The following SOCS5 variants were observed in gnomAD, a reference collection of about 807,000 sequenced individuals.
SOCS5 encodes CIS-6.
SOCS5 carries 32 observed loss-of-function variants against 42.8 expected under a neutral mutation model. The ratio of observed to expected loss-of-function variants is 0.75; its 90% CI spans 0.56 to 1.01. The LOEUF (loss-of-function observed/expected upper bound fraction) is 1.01, where lower values mean the gene tolerates loss of function less well. SOCS5 is among the 50% of genes least tolerant of loss of function. The pLI is 0.00. For synonymous variants in SOCS5, 283 were observed against 229.6 expected, an observed-to-expected ratio of 1.23 and a Z score of -2.10; for missense variants, 627 against 653.0, an observed-to-expected ratio of 0.96 and a Z score of 0.43.
chr2:46,744,915 C>T (rs1673466111), intron 1 of SOCS5, among the ~76,000 whole-genome samples: 1 of 149,202 alleles, frequency 6.7e-6, no homozygotes, highest in South Asian at 2.2e-4. Context: ...ATGGTTCATC[C>T]ATACTAGATC....
chr2:46,723,840 T>C (rs1388679581), intron 1 of SOCS5, among the ~76,000 whole-genome samples: 1 of 152,096 alleles, frequency 6.6e-6, no homozygotes, highest in Non-Finnish European at 1.5e-5. Context: ...TTGTGTTAAA[T>C]CTGTAGATCA....
At chr2:46,713,503 T>A (rs1168449380) in intron 1 of SOCS5, among the ~76,000 whole-genome samples, 1 of 152,228 alleles carries the variant, frequency 6.6e-6, no homozygotes, top group African/African-American at 2.4e-5. Context: ...GTCAGTAGGA[T>A]CTATTCCTTC....
chr2:46,724,139 G>A (rs1256272189), intron 1 of SOCS5, among the ~76,000 whole-genome samples: 1 of 151,810 alleles, frequency 6.6e-6, no homozygotes, highest in Non-Finnish European at 1.5e-5. Context: ...TTAGTTGTAA[G>A]AGGTTTGCTT....
chr2:46,758,357 C>T (rs1673773892), intron 1 of SOCS5, among the ~76,000 whole-genome samples, 162 bp from the exon 2 acceptor site: 2 of 152,198 alleles, frequency 1.3e-5, no homozygotes, highest in South Asian at 2.1e-4. Context: ...TCCTGCTGCC[C>T]AACAGAACAC....
chr2:46,734,258 C>T (rs1168403753), intron 1 of SOCS5, among the ~76,000 whole-genome samples: 2 of 152,048 alleles, frequency 1.3e-5, no homozygotes, highest in African/African-American at 4.8e-5. Flanking sequence ...ATGAATGCCA[C>T]TTGTATGAAT....
At chr2:46,733,014 G>A (rs1403674536) in intron 1 of SOCS5, among the ~76,000 whole-genome samples, 1 of 151,844 alleles carries the variant, frequency 6.6e-6, no homozygotes, top group Admixed American at 6.6e-5. Flanking sequence ...ACATCTTAAT[G>A]TGTATCCACT....
chr2:46,720,065 T>G (rs142870904), intron 1 of SOCS5, among the ~76,000 whole-genome samples: 485 of 152,324 alleles, frequency 3.2e-3, no homozygotes, highest in African/African-American at 0.011. Context: ...GGTTCACTGA[T>G]CAGAGCATGT....
At position 46,757,896 on chromosome 2, in the gene SOCS5, T is replaced by C. The variant is rs193108455; in HGVS notation, c.-12-623T>C. Among the ~76,000 whole-genome samples the C allele has an allele frequency of 1.2e-4, 19 of 152,294 alleles. No homozygotes were observed. In the South Asian group the frequency reaches 2.5e-3, roughly 20 times the overall value. ...AAAAGAAAAAGGAAAAAAGACACCT[T>C]TCCTAAATATTACATTCTTTTTCTT... On this transcript the variant is annotated intron_variant, in intron 1 of 1. Coordinates refer to ENST00000394861, the MANE Select transcript of SOCS5 (RefSeq NM_144949.3).
At chr2:46,739,158 C>G (rs1673315345) in intron 1 of SOCS5, among the ~76,000 whole-genome samples, 1 of 152,070 alleles carries the variant, frequency 6.6e-6, no homozygotes, top group Non-Finnish European at 1.5e-5. Flanking sequence ...CTCAGAATGG[C>G]TCTTTTTGTT....
Position 46,758,512 on chromosome 2 carries a change from T to G in SOCS5, c.-12-7T>G, listed in dbSNP as rs369277165. The G allele has an allele frequency of 1.3e-5, 21 of 1,557,904 alleles. No individual in the cohort carries two copies. In the African/African-American group the frequency reaches 2.1e-4, roughly 15 times the overall value. On this transcript the variant is annotated splice_polypyrimidine_tract_variant and splice_region_variant and intron_variant, in intron 1 of 1. Coordinates refer to ENST00000394861, the MANE Select transcript of SOCS5 (RefSeq NM_144949.3). ...TTATTTTTCTCTTTTTGCTGTTTTGTCTTTAGATTTTATAATCAATGGATA... is the reference window on the plus strand; with the variant it reads ...TTATTTTTCTCTTTTTGCTGTTTTGGCTTTAGATTTTATAATCAATGGATA...
At chr2:46,728,301 T>A (rs962707585) in intron 1 of SOCS5, among the ~76,000 whole-genome samples, 9 of 152,192 alleles carry the variant, frequency 5.9e-5, no homozygotes, top group Non-Finnish European at 1.3e-4. Flanking sequence ...TATAGCTATA[T>A]TCAGTAGGAG....
intron 1 of SOCS5, among the ~76,000 whole-genome samples, chr2:46,742,439 C>G (rs532060608): frequency 3.4e-5 from 5 of 145,872 alleles, no homozygotes; most frequent in African/African-American, 1.3e-4. Flanking sequence ...TAATTTTCAA[C>G]ATATGACAAC....
intron 1 of SOCS5, among the ~76,000 whole-genome samples, chr2:46,748,902 A>G (rs1286780688): frequency 6.6e-6 from 1 of 152,228 alleles, no homozygotes; most frequent in Non-Finnish European, 1.5e-5. Context: ...TAGCAGAATC[A>G]TAATGAGCTC....
chr2:46,760,063 G>A lies in SOCS5; in HGVS notation c.1533G>A (p.Gln511=), dbSNP rs776708914. Residue 511 remains glutamine (Q), a synonymous_variant, in exon 2 of 2, where the codon CAG becomes CAA. Coordinates refer to ENST00000394861, the MANE Select transcript of SOCS5 (RefSeq NM_144949.3). ...GGCTCCCTCTACCCTCAATGTTACA[G>A]GATTTTTTAAAAGAGTATCATTATA... ...IDGLPLPSML[Q]DFLKEYHYKQ... 1.9e-6 allele frequency: 3 copies of A among 1,613,928 alleles called. No homozygotes were observed. The highest frequency in any genetic ancestry group is 2.5e-6 in the Non-Finnish European group (3 of 1,179,956).
At chr2:46,702,721 A>G (rs1672370857) in intron 1 of SOCS5, among the ~76,000 whole-genome samples, 1 of 151,706 alleles carries the variant, frequency 6.6e-6, no homozygotes, top group South Asian at 2.1e-4. Flanking sequence ...CAATTTTATA[A>G]CATATGGTTC....
intron 1 of SOCS5, among the ~76,000 whole-genome samples, chr2:46,744,900 G>T (rs1673465844): frequency 6.7e-6 from 1 of 149,720 alleles, no homozygotes; most frequent in Non-Finnish European, 1.5e-5. Context: ...GGAAATAGTT[G>T]TGGAATGGTT....
intron 1 of SOCS5, among the ~76,000 whole-genome samples, chr2:46,705,480 T>C (rs1672442136): frequency 1.3e-5 from 2 of 152,220 alleles, no homozygotes; most frequent in African/African-American, 4.8e-5. Flanking sequence ...TCTTCTGTGT[T>C]GATTGTTGAA....
chr2:46,745,951 A>G (rs910330621), intron 1 of SOCS5, among the ~76,000 whole-genome samples: 4 of 152,126 alleles, frequency 2.6e-5, no homozygotes, highest in South Asian at 2.1e-4. Context: ...TATTATCTCA[A>G]TATTCCTAAA....
Position 46,699,655 on chromosome 2 carries a change from C to G in SOCS5, c.-13+206C>G, listed in dbSNP as rs543147992. ...GACTGCTAGCCCGGGCCGCGAGCCC[C>G]GTGCAGACCACGCCGCTCACAGTGG... On this transcript the variant is annotated intron_variant, in intron 1 of 1. Coordinates refer to ENST00000394861, the MANE Select transcript of SOCS5 (RefSeq NM_144949.3). This position sits in a 1 kb window ranked among gnomAD's most constrained non-coding sequence, Gnocchi z 4.8. Among the ~76,000 whole-genome samples, 4 of 152,190 alleles carry G rather than the reference C, an allele frequency of 2.6e-5. No homozygotes were observed. The highest frequency in any genetic ancestry group is 7.2e-5 in the African/African-American group (3 of 41,456).
Sources: allele counts gnomAD v4.1 joint callset (sites outside exome capture counted in the v4.1 genomes callset), GRCh38; gene constraint gnomAD v4.1.1; non-coding constraint Gnocchi (gnomAD v3.1); transcripts MANE v1.5; gene names NCBI Gene and HGNC (gene_info 2026-07-23, HGNC 2026-07-21).